FLI1: variants seen among roughly 807,000 people sequenced by gnomAD.
The protein encoded by FLI1 is Fli-1 proto-oncogene, ETS transcription factor.
A neutral mutation model predicts 53.1 loss-of-function variants in FLI1; 13 were observed. That is an observed-to-expected ratio of 0.24 (90% CI 0.16 to 0.39). The LOEUF (loss-of-function observed/expected upper bound fraction) is 0.39, where lower values mean the gene tolerates loss of function less well. Among genes scored for constraint, FLI1 ranks in the 10% least tolerant of loss-of-function variants. The pLI, the probability that FLI1 is intolerant of heterozygous loss-of-function variation, is 1.00. For missense variants in FLI1, 424 were observed against 600.5 expected, an observed-to-expected ratio of 0.71 and a Z score of 3.07; for synonymous variants, 244 against 236.7, an observed-to-expected ratio of 1.03 and a Z score of -0.28.
rs191123869 is a variant in FLI1 at position 128,700,690 on chromosome 11, A to G, written c.18+6414A>G. Among the ~76,000 whole-genome samples, 61 of 152,266 alleles carry G rather than the reference A, an allele frequency of 4.0e-4. No individual in the cohort carries two copies. In the East Asian group the frequency reaches 9.6e-3, roughly 24 times the overall value. On this transcript the variant is annotated intron_variant, in intron 1 of 8. Transcript: ENST00000527786. ...GGAATTCAAGACCAGACTGGGCAAC[A>G]TGGAGAAACCTAGTCTCTACAAAAA...
intron 1 of FLI1, among the ~76,000 whole-genome samples, chr11:128,688,613 G>A (rs1937626653): frequency 6.6e-6 from 1 of 152,122 alleles, no homozygotes; most frequent in African/African-American, 2.4e-5. Flanking sequence ...GGCCCCTAGG[G>A]GCCAAGGGTG....
At chr11:128,792,364 C>T (rs1171344080) in intron 5 of FLI1, among the ~76,000 whole-genome samples, 1 of 152,202 alleles carries the variant, frequency 6.6e-6, no homozygotes, top group East Asian at 1.9e-4. Context: ...AATCAGGAGC[C>T]TGACCCAGTG....
In FLI1 at chr11:128,810,543, C is replaced by G; in HGVS notation, c.914C>G (p.Thr305Ser). 1 of 1,612,330 alleles carries G rather than the reference C, an allele frequency of 6.2e-7. No individual in the cohort carries two copies. The highest frequency in any genetic ancestry group is 8.5e-7 in the Non-Finnish European group (1 of 1,179,216). The change falls in exon 9 of 9, where the codon ACC becomes AGC. Residue 305 changes from threonine to serine, a missense_variant. Transcript: ENST00000527786. This position sits in a 1 kb window ranked among gnomAD's most constrained non-coding sequence, Gnocchi z 6.6. Reference sequence around the variant, plus strand: ...GCCAGCTGTATCACCTGGGAGGGGACCAACGGGGAGTTCAAAATGACGGAC... The same window carrying G: ...GCCAGCTGTATCACCTGGGAGGGGAGCAACGGGGAGTTCAAAATGACGGAC... The part of the protein sequence containing the change: ...ANASCITWEG[T>S]NGEFKMTDPD...
chr11:128,686,618 C>T (rs777012563), exon 1 of FLI1: 8 of 384,702 alleles, frequency 2.1e-5, no homozygotes, highest in South Asian at 1.3e-4. Flanking sequence ...AGGCTTCTCC[C>T]TCCCAGGCTG....
chr11:128,746,201 C>T (rs1591774830), intron 1 of FLI1, among the ~76,000 whole-genome samples: 1 of 152,246 alleles, frequency 6.6e-6, no homozygotes, highest in East Asian at 1.9e-4. Context: ...TCATTGCACA[C>T]TTCTTAGGTG....
upstream of FLI1, among the ~76,000 whole-genome samples, chr11:128,690,109 G>A (rs572922247): frequency 6.6e-6 from 1 of 152,344 alleles, no homozygotes; most frequent in African/African-American, 2.4e-5. Context: ...AAGGTCAGAC[G>A]AGACTCGAGT....
chr11:128,777,564 T>G (rs1352375077), intron 4 of FLI1, among the ~76,000 whole-genome samples: 1 of 152,228 alleles, frequency 6.6e-6, no homozygotes, highest in African/African-American at 2.4e-5. Flanking sequence ...ATCTTATCAC[T>G]TCCAGGCCTG....
chr11:128,723,933 ATTTTTTT>A (rs376612983), intron 1 of FLI1, among the ~76,000 whole-genome samples: 1 of 80,996 alleles, frequency 1.2e-5, no homozygotes, highest in Non-Finnish European at 2.2e-5. Context: ...AATGGAGTTG[ATTTTTTT>A]TTTTTTTTTT....
chr11:128,759,196 A>G (rs1941010620), intron 2 of FLI1, among the ~76,000 whole-genome samples: 1 of 152,250 alleles, frequency 6.6e-6, no homozygotes, highest in African/African-American at 2.4e-5. Flanking sequence ...TTCACAAAAT[A>G]TCAGATAATC....
chr11:128,794,896 G>A (rs1176664066), intron 5 of FLI1, among the ~76,000 whole-genome samples: 2 of 152,058 alleles, frequency 1.3e-5, no homozygotes, highest in Admixed American at 1.3e-4. Flanking sequence ...GGCAACATGG[G>A]GAGAGTCAAT....
At position 128,729,165 on chromosome 11, in the gene FLI1, G is replaced by C. The variant is rs142908126; in HGVS notation, c.19-28950G>C. Among the ~76,000 whole-genome samples, 5 of 152,338 alleles carry C rather than the reference G, an allele frequency of 3.3e-5. No individual in the cohort carries two copies. In the East Asian group the frequency reaches 9.6e-4, roughly 29 times the overall value. ...GGCAACACAAAGGACTCCCAGCCCG[G>C]CTCTGCCAAGAGACTTTGTTGTGCT... On this transcript the variant is annotated intron_variant, in intron 1 of 8. Transcript: ENST00000527786.
chr11:128,811,487 T>A lies in FLI1; in HGVS notation c.*499T>A, dbSNP rs1942935763. The A allele has an allele frequency of 4.3e-6, 1 of 234,676 alleles. No homozygotes were observed. The highest frequency in any genetic ancestry group is 5.5e-5 in the Admixed American group (1 of 18,220). 14.5% of individuals were successfully genotyped at this position (234,676 alleles called of 1,614,324 possible). ...CAGTGGATGGCAACTGGAACATTGA[T>A]TGTAAGGCCAGTGAAGTTTTCACCC... On this transcript the variant is annotated 3_prime_UTR_variant, in exon 9 of 9. Transcript: ENST00000527786.
intron 1 of FLI1, among the ~76,000 whole-genome samples, chr11:128,727,441 A>T (rs1398399720): frequency 6.6e-6 from 1 of 152,234 alleles, no homozygotes; most frequent in Non-Finnish European, 1.5e-5. Flanking sequence ...GGTGGTCTAG[A>T]TGCTGATCTC....
At chr11:128,724,419 T>A (rs560545931) in intron 1 of FLI1, among the ~76,000 whole-genome samples, 1 of 152,310 alleles carries the variant, frequency 6.6e-6, no homozygotes, top group African/African-American at 2.4e-5. Context: ...GAAAGCCTAT[T>A]GTGCCAGGCT....
intron 5 of FLI1, among the ~76,000 whole-genome samples, chr11:128,791,345 TC>T (rs954451567): frequency 2.0e-4 from 31 of 152,224 alleles, no homozygotes; most frequent in African/African-American, 6.7e-4. Flanking sequence ...TCCGTCTCAG[TC>T]CCCACCCCCA....
intron 1 of FLI1, among the ~76,000 whole-genome samples, chr11:128,722,864 G>A (rs1378414901): frequency 6.6e-6 from 1 of 152,088 alleles, no homozygotes; most frequent in African/African-American, 2.4e-5. Context: ...CAAACAATCG[G>A]GAGGAAAAAT....
At chr11:128,797,595 T>TCAG (rs1238323007) in intron 5 of FLI1, among the ~76,000 whole-genome samples, 1 of 152,346 alleles carries the variant, frequency 6.6e-6, no homozygotes, top group East Asian at 1.9e-4. Flanking sequence ...TTACTACTTG[T>TCAG]CTTGAATGTC....
intron 1 of FLI1, among the ~76,000 whole-genome samples, chr11:128,714,850 A>G (rs1938941134): frequency 1.3e-5 from 2 of 150,404 alleles, no homozygotes; most frequent in South Asian, 4.1e-4. Context: ...CTTGGACTAC[A>G]GGCACGCACC....
chr11:128,768,448 A>T (rs1387328038), intron 3 of FLI1, 176 bp downstream of exon 3: 1 of 674,530 alleles, frequency 1.5e-6, no homozygotes, highest in Admixed American at 2.4e-5. Context: ...TTGAGAGGCC[A>T]AGACGGGTGA....
Sources: gnomAD v4.1 joint callset for allele counts (sites outside exome capture counted in the v4.1 genomes callset) on GRCh38, gnomAD v4.1.1 for gene constraint, Gnocchi (gnomAD v3.1) non-coding constraint, MANE v1.5 for transcripts, NCBI Gene and HGNC (gene_info 2026-07-23, HGNC 2026-07-21) for gene names.